Variants in SRGAP3 observed in about 807,000 individuals in gnomAD.
SRGAP3 encodes the protein SLIT-ROBO Rho GTPase activating protein 3, also known as SLIT-ROBO Rho GTPase-activating protein 3.
A neutral mutation model predicts 121.1 loss-of-function variants in SRGAP3; 39 were observed. The ratio of observed to expected loss-of-function variants is 0.32; its 90% CI spans 0.25 to 0.42. The LOEUF (loss-of-function observed/expected upper bound fraction) is 0.42. SRGAP3 is among the 10% of genes least tolerant of loss of function. The pLI is 1.00. For synonymous variants in SRGAP3, 601 were observed against 570.0 expected, an observed-to-expected ratio of 1.05 and a Z score of -0.77; for missense variants, 1,213 against 1,470.6, an observed-to-expected ratio of 0.82 and a Z score of 2.86.
chr3:9,058,586 T>A, intron 6 of SRGAP3, 114 bp from the exon 7 acceptor site: 1 of 1,139,394 alleles, frequency 8.8e-7, no homozygotes, highest in Non-Finnish European at 1.3e-6. Context: ...GAATCTTCCA[T>A]CCCGGAGGCC....
chr3:9,339,727 C>T (rs1345960930), intron 1 of SRGAP3, among the ~76,000 whole-genome samples: 1 of 152,156 alleles, frequency 6.6e-6, no homozygotes, highest in Non-Finnish European at 1.5e-5. Flanking sequence ...ATAAAATACA[C>T]CTAACCTAGG....
intron 14 of SRGAP3, among the ~76,000 whole-genome samples, chr3:9,016,787 G>C (rs1943661459): frequency 6.6e-6 from 1 of 152,142 alleles, no homozygotes; most frequent in Non-Finnish European, 1.5e-5. Flanking sequence ...TTCTAATTAT[G>C]TCATTTCTTC....
At chr3:9,192,263 T>C (rs1951775351) in intron 1 of SRGAP3, among the ~76,000 whole-genome samples, 3 of 152,210 alleles carry the variant, frequency 2.0e-5, no homozygotes, top group African/African-American at 4.8e-5. Context: ...AGAGTATCTT[T>C]GTATCGCTGG....
intron 1 of SRGAP3, among the ~76,000 whole-genome samples, chr3:9,347,084 G>A (rs569280312): frequency 6.6e-6 from 1 of 152,164 alleles, no homozygotes; most frequent in Non-Finnish European, 1.5e-5. Flanking sequence ...ATGAGCCACC[G>A]TGCCCAGCCA....
At chr3:9,215,399 G>A (rs1399105704) in intron 1 of SRGAP3, among the ~76,000 whole-genome samples, 1 of 152,144 alleles carries the variant, frequency 6.6e-6, no homozygotes, top group Non-Finnish European at 1.5e-5. Context: ...TCACTAGTTA[G>A]GAGGAAGCTT....
intron 3 of SRGAP3, among the ~76,000 whole-genome samples, chr3:9,099,383 A>C (rs905418404): frequency 6.6e-6 from 1 of 152,242 alleles, no homozygotes; most frequent in Non-Finnish European, 1.5e-5. Flanking sequence ...GCATCAGAGC[A>C]TAGAATAATG....
intron 3 of SRGAP3, among the ~76,000 whole-genome samples, chr3:9,273,378 G>A (rs1954516283): frequency 6.6e-6 from 1 of 151,964 alleles, no homozygotes; most frequent in Non-Finnish European, 1.5e-5. Flanking sequence ...TGTGCTTATT[G>A]GACATTTATG....
intron 1 of SRGAP3, among the ~76,000 whole-genome samples, chr3:9,202,070 A>T (rs1952085456): frequency 1.4e-5 from 2 of 144,656 alleles, no homozygotes; most frequent in Admixed American, 6.8e-5. Context: ...GATGGGGGGA[A>T]GGGAGGCGGG....
At chr3:9,269,652 G>A (rs1434162883) in intron 3 of SRGAP3, among the ~76,000 whole-genome samples, 1 of 152,162 alleles carries the variant, frequency 6.6e-6, no homozygotes, top group Non-Finnish European at 1.5e-5. Context: ...GGGATGAGAG[G>A]GAGTAAGGAG....
At chr3:9,073,668 C>T (rs1470058566) in intron 4 of SRGAP3, among the ~76,000 whole-genome samples, 4 of 152,148 alleles carry the variant, frequency 2.6e-5, no homozygotes, top group South Asian at 2.1e-4. Flanking sequence ...TGAAATGGAT[C>T]GGTACATGTA....
intron 3 of SRGAP3, among the ~76,000 whole-genome samples, chr3:9,315,317 C>T (rs946831285): frequency 1.3e-5 from 2 of 152,244 alleles, no homozygotes; most frequent in African/African-American, 4.8e-5. Context: ...AAAAGTCCCA[C>T]TGCATTTCAC....
chr3:9,211,631 G>A (rs1238145006), intron 1 of SRGAP3, among the ~76,000 whole-genome samples: 1 of 151,230 alleles, frequency 6.6e-6, no homozygotes, highest in Non-Finnish European at 1.5e-5. Context: ...ACAACAGGAA[G>A]ACCTGATGGA....
intron 3 of SRGAP3, among the ~76,000 whole-genome samples, chr3:9,086,626 C>T (rs770685761): frequency 3.5e-5 from 5 of 143,946 alleles, no homozygotes; most frequent in Non-Finnish European, 6.1e-5. Context: ...TAAATATACA[C>T]ATATATACAC....
At chr3:9,174,501 C>A (rs1204088996) in intron 1 of SRGAP3, among the ~76,000 whole-genome samples, 1 of 152,146 alleles carries the variant, frequency 6.6e-6, no homozygotes, top group Non-Finnish European at 1.5e-5. Flanking sequence ...AGACTGCGGG[C>A]AGAATGAAGG....
intron 10 of SRGAP3, among the ~76,000 whole-genome samples, chr3:9,039,584 G>T (rs900431489): frequency 1.3e-5 from 2 of 152,148 alleles, no homozygotes; most frequent in Non-Finnish European, 2.9e-5. Flanking sequence ...CCAGAATTCA[G>T]TTTGAAAATA....
chr3:9,343,529 T>C (rs2728940), intron 1 of SRGAP3, among the ~76,000 whole-genome samples: 107,596 of 152,124 alleles, frequency 0.71, 38,817 homozygotes, highest in South Asian at 0.89. Flanking sequence ...TATATGTTTA[T>C]TGTAGACATT....
chr3:9,118,241 ATCC>A lies in SRGAP3; in HGVS notation c.260+6481_260+6483del, dbSNP rs1263398935. ...ATTATTACAAAAATCAGTCTTTCGT[ATCC>A]TCCTTCTCCTCCTCCTCTTCCTCTC... On this transcript the variant is annotated intron_variant, in intron 2 of 21. Transcript: ENST00000383836. 2.0e-5 allele frequency among the ~76,000 whole-genome samples: 3 copies of A among 152,148 alleles called. No individual in the cohort carries two copies. The East Asian group carries it at 5.8e-4, about 29-fold the overall frequency.
intron 1 of SRGAP3, chr3:9,348,439 C>A (rs557457232): frequency 1.6e-6 from 1 of 644,094 alleles, no homozygotes; most frequent in Non-Finnish European, 2.9e-6. Flanking sequence ...CCCAGCCCGC[C>A]ACCATGGCTG....
chr3:9,138,248 C>A (rs1251944821), intron 1 of SRGAP3, among the ~76,000 whole-genome samples: 2 of 152,132 alleles, frequency 1.3e-5, no homozygotes, highest in African/African-American at 4.8e-5. Flanking sequence ...TACTTTTTAC[C>A]TGGGATGCTT....
Sources: allele counts gnomAD v4.1 joint callset (sites outside exome capture counted in the v4.1 genomes callset), GRCh38; gene constraint gnomAD v4.1.1; transcripts MANE v1.5; gene names NCBI Gene and HGNC (gene_info 2026-07-23, HGNC 2026-07-21).